The following MYLK variants were observed in gnomAD, a reference collection of about 807,000 sequenced individuals.
The protein encoded by MYLK is myosin light chain kinase, smooth muscle.
MYLK carries 106 observed loss-of-function variants against 203.4 expected under a neutral mutation model. The ratio of observed to expected loss-of-function variants is 0.52; its 90% CI spans 0.45 to 0.61. The LOEUF is 0.61. Ranked by LOEUF, MYLK falls within the 20% of genes least tolerant of loss-of-function variation. The pLI is 0.00. For missense variants in MYLK, 2,072 were observed against 2,442.3 expected (o/e 0.85, Z 3.20); for synonymous variants, 867 against 959.5 (o/e 0.90, Z 1.78).
At chr3:123,620,474 T>G in intron 31 of MYLK, 138 bp from the exon 32 acceptor site, 1 of 1,574,914 alleles carries the variant, frequency 6.3e-7, no homozygotes, top group Non-Finnish European at 8.6e-7. Flanking sequence ...GAGCCGAGGT[T>G]CTGCCAGAGG....
At position 123,866,463 on chromosome 3, in the gene MYLK, T is replaced by A. The variant is rs3863979; in HGVS notation, c.-127+10096A>T. Among the ~76,000 whole-genome samples, 1,009 of 152,260 alleles carry A rather than the reference T, an allele frequency of 6.6e-3. 15 individuals carry two copies. The highest frequency in any genetic ancestry group is 0.023 in the African/African-American group (965 of 41,544). On this transcript the variant is annotated intron_variant, in intron 2 of 33. Transcript: ENST00000360304. ...TAGAATTGGATAAAAATCCTTGCCCTCAAGGAGCTTACTGTTTAGTGGGAA... is the reference window on the plus strand; with the variant it reads ...TAGAATTGGATAAAAATCCTTGCCCACAAGGAGCTTACTGTTTAGTGGGAA...
At chr3:123,653,036 C>A (rs962768280) in intron 24 of MYLK, among the ~76,000 whole-genome samples, 22 of 152,080 alleles carry the variant, frequency 1.4e-4, no homozygotes, top group African/African-American at 5.1e-4. Context: ...AACAGGGATG[C>A]AAATGAGGCA....
At chr3:123,670,148 T>C (rs1395885705) in intron 20 of MYLK, among the ~76,000 whole-genome samples, 1 of 151,648 alleles carries the variant, frequency 6.6e-6, no homozygotes, top group African/African-American at 2.4e-5. Flanking sequence ...TTTCTGTGAG[T>C]CTCAAATTAT....
chr3:123,641,431 TCTTC>T (rs1360834459), intron 27 of MYLK, among the ~76,000 whole-genome samples: 1 of 151,876 alleles, frequency 6.6e-6, no homozygotes, highest in African/African-American at 2.4e-5. Flanking sequence ...TTTCTTTTTT[TCTTC>T]TTCAATTTTT....
Position 123,799,258 on chromosome 3 carries a change from A to G in MYLK, c.-3-5414T>C, listed in dbSNP as rs372475519. 1.9e-4 allele frequency among the ~76,000 whole-genome samples: 28 copies of G among 146,062 alleles called. No individual in the cohort carries two copies. The East Asian group carries it at 2.3e-3, about 12-fold the overall frequency. On this transcript the variant is annotated intron_variant, in intron 3 of 33. Transcript: ENST00000360304. ...GAGGCTTTCACAAGTAACATAATTT[A>G]TTAACTATTTGAAGCAGCATTGAGT...
At chr3:123,768,902 C>G (rs933835046) in intron 4 of MYLK, among the ~76,000 whole-genome samples, 1 of 152,220 alleles carries the variant, frequency 6.6e-6, no homozygotes, top group African/African-American at 2.4e-5. Context: ...GCACTCTCCC[C>G]CTCTCTGCCT....
Position 123,700,301 on chromosome 3 carries a change from T to C in MYLK, c.3167A>G (p.Asp1056Gly), listed in dbSNP as rs1553803351. 1.9e-6 allele frequency: 3 copies of C among 1,614,052 alleles called. No individual in the cohort carries two copies. Among genetic ancestry groups the C allele is most frequent in the Non-Finnish European group, 2.5e-6 (3 of 1,179,998 alleles). ...TTTGCTAGCGGATTTCAGGTTCTCA[T>C]CAGGCTTGGCATTGCCCATGGGCTT... ...TLKPMGNAKP[D>G]ENLKSASKEE... The change falls in exon 18 of 34, where the codon GAT becomes GGT. Residue 1056 changes from aspartate to glycine, a missense_variant. This residue lies in a region of MYLK where 865 missense variants were observed against 1,016.0 expected (regional missense o/e 0.85). Coordinates refer to ENST00000360304, the MANE Select transcript of MYLK (RefSeq NM_053025.4).
chr3:123,709,084 TG>T, intron 14 of MYLK, 189 bp from the exon 15 acceptor site: 1 of 544,576 alleles, frequency 1.8e-6, no homozygotes, highest in East Asian at 2.9e-5. Context: ...CCTTAAAATT[TG>T]AATAGTGCAA....
At chr3:123,854,951 T>A (rs760357155) in intron 2 of MYLK, among the ~76,000 whole-genome samples, 1 of 152,214 alleles carries the variant, frequency 6.6e-6, no homozygotes, top group Non-Finnish European at 1.5e-5. Flanking sequence ...GAAATACCTG[T>A]CAGTCTGTCA....
chr3:123,862,909 TG>T (rs2032040530), intron 2 of MYLK, among the ~76,000 whole-genome samples: 2 of 152,206 alleles, frequency 1.3e-5, no homozygotes, highest in Admixed American at 1.3e-4. Context: ...TGAACTCCCC[TG>T]CTTCCTGAAT....
chr3:123,657,795 T>TGA (rs1039651111), intron 23 of MYLK, among the ~76,000 whole-genome samples: 71 of 152,292 alleles, frequency 4.7e-4, no homozygotes, highest in African/African-American at 1.3e-3. Flanking sequence ...AAACATGTTT[T>TGA]GAGAGAGAGA....
chr3:123,812,245 A>T (rs1307882784), intron 3 of MYLK, among the ~76,000 whole-genome samples: 1 of 152,190 alleles, frequency 6.6e-6, no homozygotes, highest in Non-Finnish European at 1.5e-5. Context: ...GAAAAACTGA[A>T]TTCATTATTG....
At chr3:123,871,875 C>T (rs560675140) in intron 2 of MYLK, among the ~76,000 whole-genome samples, 2 of 146,854 alleles carry the variant, frequency 1.4e-5, no homozygotes, top group South Asian at 4.4e-4. Context: ...TGAATATAGA[C>T]ACAAAAAACT....
chr3:123,652,527 A>C (rs143945224), intron 24 of MYLK, among the ~76,000 whole-genome samples: 1 of 152,248 alleles, frequency 6.6e-6, no homozygotes, highest in Non-Finnish European at 1.5e-5. Flanking sequence ...CACCCAGAGA[A>C]CACTAGAGGG....
intron 2 of MYLK, among the ~76,000 whole-genome samples, chr3:123,862,741 A>G (rs2032025046): frequency 6.6e-6 from 1 of 152,212 alleles, no homozygotes; most frequent in Admixed American, 6.5e-5. Context: ...GCTAAATAAA[A>G]AAGGTGAAAT....
chr3:123,686,313 T>C (rs181656119), intron 19 of MYLK, among the ~76,000 whole-genome samples: 3 of 150,744 alleles, frequency 2.0e-5, no homozygotes, highest in East Asian at 4.0e-4. Context: ...TGTCCTTATA[T>C]AGACAATGCC....
intron 2 of MYLK, among the ~76,000 whole-genome samples, chr3:123,838,133 T>C (rs2066515505): frequency 6.6e-6 from 1 of 152,034 alleles, no homozygotes; most frequent in South Asian, 2.1e-4. Flanking sequence ...GCATATAATC[T>C]TCAAGTGGCT....
intron 4 of MYLK, among the ~76,000 whole-genome samples, chr3:123,793,118 C>CAAGGAAT (rs1455077160): frequency 6.6e-6 from 1 of 152,156 alleles, no homozygotes; most frequent in Non-Finnish European, 1.5e-5. Context: ...ACAAGGTAGA[C>CAAGGAAT]AAGGAATGAT....
chr3:123,840,387 T>C (rs2066562541), intron 2 of MYLK, among the ~76,000 whole-genome samples: 1 of 149,774 alleles, frequency 6.7e-6, no homozygotes, highest in African/African-American at 2.4e-5. Context: ...TATATATATA[T>C]ATATATGAAT....
Sources: allele counts gnomAD v4.1 joint callset (sites outside exome capture counted in the v4.1 genomes callset), GRCh38; gene constraint gnomAD v4.1.1; regional missense constraint gnomAD v4.1.1; transcripts MANE v1.5; gene names NCBI Gene and HGNC (gene_info 2026-07-23, HGNC 2026-07-21).